The following DCN variants were observed in gnomAD, a reference collection of about 807,000 sequenced individuals.
The protein encoded by DCN is decorin.
In DCN, 17 loss-of-function variants were observed where a neutral mutation model predicts 36.5. That is an observed-to-expected ratio of 0.47 (90% CI 0.32 to 0.70). DCN has a LOEUF of 0.70. Ranked by LOEUF, DCN falls within the 30% of genes least tolerant of loss-of-function variation. DCN has a pLI of 0.04. For missense variants in DCN, 389 were observed against 430.1 expected, an observed-to-expected ratio of 0.90 and a Z score of 0.84; for synonymous variants, 163 against 161.4, an observed-to-expected ratio of 1.01 and a Z score of -0.07.
At chr12:91,152,994 A>C in intron 6 of DCN, 102 bp downstream of exon 6, 1 of 740,142 alleles carries the variant, frequency 1.4e-6, no homozygotes. Context: ...AGTGAAATGT[A>C]GTACACTCAA....
Position 91,164,665 on chromosome 12 carries a change from C to T in DCN, c.264G>A (p.Leu88=). The change falls in exon 3 of 8, where the codon CTG becomes CTA. Residue 88 remains leucine (L), a synonymous_variant. Coordinates refer to ENST00000052754, the MANE Select transcript of DCN (RefSeq NM_001920.5). ...DLPPDTTLLD[L]QNNKITEIKD... ...TGATTTCGGTTATTTTGTTGTTTTG[C>T]AGGTCTAGCAGAGTTGTGTCAGGGG... The T allele has an allele frequency of 6.2e-7, 1 of 1,613,168 alleles. No homozygotes were observed. Among genetic ancestry groups the T allele is most frequent in the South Asian group, 1.1e-5 (1 of 91,056 alleles).
chr12:91,155,117 G>T (rs1881677406), intron 5 of DCN, among the ~76,000 whole-genome samples: 1 of 152,174 alleles, frequency 6.6e-6, no homozygotes, highest in Non-Finnish European at 1.5e-5. Flanking sequence ...TGAATAGAAA[G>T]GAGGACTTAA....
intron 4 of DCN, 119 bp downstream of exon 4, chr12:91,158,177 C>A: frequency 1.4e-6 from 1 of 700,534 alleles, no homozygotes. Context: ...TCTTATAAAT[C>A]ACATAGGCTC....
chr12:91,161,472 A>G (rs1181586684), intron 3 of DCN, among the ~76,000 whole-genome samples: 1 of 152,196 alleles, frequency 6.6e-6, no homozygotes, highest in Non-Finnish European at 1.5e-5. Context: ...TTCATTTTTT[A>G]TGGTCTCCTT....
chr12:91,178,629 T>G, intron 1 of DCN, 44 bp from the exon 2 acceptor site: 4 of 1,211,828 alleles, frequency 3.3e-6, no homozygotes, highest in Non-Finnish European at 4.9e-6. Context: ...CACTGCCTAA[T>G]CTGTGTGTCG....
chr12:91,157,198 T>C lies in DCN; in HGVS notation c.539-10A>G, dbSNP rs753654634. ...GGATTGGTGCCCAGTTCTACAAATG[T>C]AATAAGTGCAAGGCTTTTAGAGGAA... On this transcript the variant is annotated splice_polypyrimidine_tract_variant and intron_variant, in intron 4 of 7. Transcript: ENST00000052754. 6.3e-7 allele frequency: 1 copy of C among 1,592,358 alleles called. No individual in the cohort carries two copies. Among genetic ancestry groups the C allele is most frequent in the Non-Finnish European group, 8.6e-7 (1 of 1,160,318 alleles).
chr12:91,181,781 G>T (rs1182258979), intron 1 of DCN, among the ~76,000 whole-genome samples: 2 of 151,802 alleles, frequency 1.3e-5, no homozygotes, highest in Non-Finnish European at 2.9e-5. Flanking sequence ...AGCACTAGAT[G>T]ATTAAAAACT....
chr12:91,146,402 G>A, intron 7 of DCN, 150 bp from the exon 8 acceptor site: 1 of 570,942 alleles, frequency 1.8e-6, no homozygotes, highest in Non-Finnish European at 3.0e-6. Context: ...TGTCACCCAG[G>A]CTGGAGTGCA....
chr12:91,151,152 C>T (rs3138270), intron 7 of DCN: 5,293 of 185,572 alleles, frequency 0.029, 303 homozygotes, highest in African/African-American at 0.12. Flanking sequence ...CCATGGCACA[C>T]GTATACCTAT....
rs749810405 is a variant in DCN at position 91,146,130 on chromosome 12, G to A, written c.1008C>T (p.Tyr336=). The part of the protein sequence containing the change: ...GVSLFSNPVQ[Y]WEIQPSTFRC... ...TGAAGGTGGATGGCTGTATCTCCCAGTACTGGACCGGGTTGCTGAAAAGAC... is the reference window on the plus strand; with the variant it reads ...TGAAGGTGGATGGCTGTATCTCCCAATACTGGACCGGGTTGCTGAAAAGAC... The change falls in exon 8 of 8, where the codon TAC becomes TAT. Residue 336 remains tyrosine, a synonymous_variant. Transcript: ENST00000052754. 6.2e-7 allele frequency: 1 copy of A among 1,613,898 alleles called. No homozygotes were observed.
At position 91,146,090 on chromosome 12, in the gene DCN, G is replaced by T; in HGVS notation, c.1048C>A (p.Arg350Ser). ...TAGTTTCCGAGTTGAATGGCAGAGCGCACGTAGACACATCTGAAGGTGGAT... is the reference window on the plus strand; with the variant it reads ...TAGTTTCCGAGTTGAATGGCAGAGCTCACGTAGACACATCTGAAGGTGGAT... ...QPSTFRCVYV[R>S]SAIQLGNYK The change falls in exon 8 of 8, where the codon CGC (arginine) becomes AGC (serine). Residue 350 changes from arginine to serine, a missense_variant. Arg to Ser is a moderately radical substitution (Grantham distance 110). Coordinates refer to ENST00000052754, the MANE Select transcript of DCN (RefSeq NM_001920.5). The T allele has an allele frequency of 1.9e-6, 3 of 1,613,888 alleles. No homozygotes were observed. Among genetic ancestry groups the T allele is most frequent in the Non-Finnish European group, 2.5e-6 (3 of 1,179,902 alleles).
chr12:91,165,165 C>G (rs1308003430), intron 2 of DCN, among the ~76,000 whole-genome samples: 2 of 152,106 alleles, frequency 1.3e-5, no homozygotes, highest in Non-Finnish European at 2.9e-5. Flanking sequence ...TTTGATACAC[C>G]TAACCCTGTC....
At chr12:91,163,068 T>C (rs1161310671) in intron 3 of DCN, among the ~76,000 whole-genome samples, 1 of 152,252 alleles carries the variant, frequency 6.6e-6, no homozygotes, top group African/African-American at 2.4e-5. Flanking sequence ...GTATATATTT[T>C]GGACATTGAA....
At chr12:91,147,400 C>T (rs1881096951) in intron 7 of DCN, among the ~76,000 whole-genome samples, 1 of 152,136 alleles carries the variant, frequency 6.6e-6, no homozygotes, top group African/African-American at 2.4e-5. Context: ...ACATGTTTTT[C>T]TTCATAGCAT....
intron 5 of DCN, among the ~76,000 whole-genome samples, chr12:91,155,768 A>T (rs952378843): frequency 1.3e-5 from 2 of 152,172 alleles, no homozygotes; most frequent in Non-Finnish European, 2.9e-5. Flanking sequence ...AAAGTGCTTT[A>T]TGAATTATAA....
chr12:91,178,846 G>A (rs1463151704), intron 1 of DCN, among the ~76,000 whole-genome samples: 1 of 152,100 alleles, frequency 6.6e-6, no homozygotes, highest in Admixed American at 6.5e-5. Context: ...AAACTAAGAT[G>A]ATATACTATA....
Position 91,145,819 on chromosome 12 carries a change from C to A in DCN, c.*239G>T. On this transcript the variant is annotated 3_prime_UTR_variant, in exon 8 of 8. Transcript: ENST00000052754. ...TACATTTAGTGAAATAAGAATATCT[C>A]TAGTAGCTCAGTTAACATCAACAGA... 1.9e-6 allele frequency: 1 copy of A among 527,274 alleles called. No individual in the cohort carries two copies. Among genetic ancestry groups the A allele is most frequent in the Non-Finnish European group, 3.4e-6 (1 of 295,136 alleles). 32.7% of individuals were successfully genotyped at this position (527,274 alleles called of 1,614,324 possible).
chr12:91,161,577 G>A (rs1882157694), intron 3 of DCN, among the ~76,000 whole-genome samples: 1 of 152,162 alleles, frequency 6.6e-6, no homozygotes, highest in Non-Finnish European at 1.5e-5. Context: ...GGTGAAGTGA[G>A]GGGGAGTTGG....
chr12:91,156,845 C>T (rs1881810157), intron 5 of DCN, among the ~76,000 whole-genome samples: 1 of 152,000 alleles, frequency 6.6e-6, no homozygotes, highest in African/African-American at 2.4e-5. Context: ...CTACAGTGAG[C>T]CTGGATGGCC....
Sources: allele counts gnomAD v4.1 joint callset (sites outside exome capture counted in the v4.1 genomes callset), GRCh38; gene constraint gnomAD v4.1.1; transcripts MANE v1.5; gene names NCBI Gene and HGNC (gene_info 2026-07-23, HGNC 2026-07-21).